EMC8: variants seen among roughly 807,000 people sequenced by gnomAD.
EMC8 encodes ER membrane protein complex subunit 8.
Under a neutral mutation model 24.3 loss-of-function variants are expected in EMC8, and 11 were observed. The observed-to-expected ratio is 0.45, with a 90% CI of 0.28 to 0.75. The LOEUF is 0.75. Ranked by LOEUF, EMC8 falls within the 30% of genes least tolerant of loss-of-function variation. The pLI, the probability that EMC8 is intolerant of heterozygous loss-of-function variation, is 0.12. For synonymous variants in EMC8, 145 were observed against 117.7 expected (o/e 1.23, Z -1.50); for missense variants, 277 against 282.7 (o/e 0.98, Z 0.14).
At chr16:85,782,470 G>A (rs1904553891) in intron 2 of EMC8, among the ~76,000 whole-genome samples, 2 of 152,104 alleles carry the variant, frequency 1.3e-5, no homozygotes, top group African/African-American at 2.4e-5. Context: ...CTCCTCGGGG[G>A]CCTTATTTAT....
intron 3 of EMC8, chr16:85,780,976 G>C: frequency 1.8e-6 from 1 of 557,388 alleles, no homozygotes; most frequent in Admixed American, 3.2e-5. Flanking sequence ...CAAGTTCCCA[G>C]GTGCTGCGGC....
intron 1 of EMC8, among the ~76,000 whole-genome samples, chr16:85,794,932 G>A (rs1905187285): frequency 6.6e-6 from 1 of 152,188 alleles, no homozygotes; most frequent in South Asian, 2.1e-4. Context: ...GTAGCAGGCA[G>A]TCACTGTCCC....
At position 85,789,048 on chromosome 16, in the gene EMC8, A is replaced by G; in HGVS notation, c.234T>C (p.Ile78=). ...AGCTATGATCTTTGCACCATGAATC[A>G]ATCTGAAAGAGGAACAAAAATTGGG... is the stretch of plus-strand genomic sequence containing the variant. ...APMLEVALTL[I]DSWCKDHSYV... is the part of the protein sequence containing the mutation. Residue 78 remains isoleucine (I), a splice_region_variant and synonymous_variant, in exon 2 of 5, where the codon ATT becomes ATC. Transcript: ENST00000253457. The G allele has an allele frequency of 6.2e-7, 1 of 1,612,068 alleles. No homozygotes were observed.
intron 2 of EMC8, among the ~76,000 whole-genome samples, chr16:85,786,906 C>T (rs1904780893): frequency 6.6e-6 from 1 of 152,154 alleles, no homozygotes; most frequent in African/African-American, 2.4e-5. Flanking sequence ...TGTGGGGCGA[C>T]CACATCAGGC....
At position 85,799,160 on chromosome 16, in the gene EMC8, C is replaced by T. The variant is rs772109393; in HGVS notation, c.136G>A (p.Gly46Ser). The T allele has an allele frequency of 1.4e-5, 22 of 1,608,856 alleles. No individual in the cohort carries two copies. In the South Asian group the frequency reaches 2.4e-4, roughly 18 times the overall value. Residue 46 changes from glycine to serine, a missense_variant, in exon 1 of 5, where the codon GGC (glycine) becomes AGC (serine). Physicochemically the swap from Gly to Ser is moderately conservative, Grantham distance 56. Coordinates refer to ENST00000253457, the MANE Select transcript of EMC8 (RefSeq NM_006067.5). The surrounding 1 kb of genome is among the most constrained non-coding windows in gnomAD (Gnocchi z 4.2). ...AAGAGGGTGTGGTGGGCGCCGGGGCCGCCCAGGGGGAGGTGCTCCTTACGC... is the reference window on the plus strand; with the variant it reads ...AAGAGGGTGTGGTGGGCGCCGGGGCTGCCCAGGGGGAGGTGCTCCTTACGC... ...KPRKEHLPLG[G>S]PGAHHTLFVD... is the part of the protein sequence containing the mutation.
intron 1 of EMC8, among the ~76,000 whole-genome samples, chr16:85,798,368 T>C (rs2152078416): frequency 6.6e-6 from 1 of 152,192 alleles, no homozygotes; most frequent in East Asian, 1.9e-4. Context: ...GTGATCCGCC[T>C]GCCTCGGCCT....
At position 85,779,668 on chromosome 16, in the gene EMC8, G is replaced by T; in HGVS notation, c.*40C>A. ...TTAAAAATAGGTTTTCTTCTTCAAC[G>T]TAGTGGAAAGGCCCGGAGCCCAGTC... On this transcript the variant is annotated 3_prime_UTR_variant, in exon 5 of 5. Coordinates refer to ENST00000253457, the MANE Select transcript of EMC8 (RefSeq NM_006067.5). 1.3e-6 allele frequency: 2 copies of T among 1,593,208 alleles called. No homozygotes were observed. The highest frequency in any genetic ancestry group is 1.7e-6 in the Non-Finnish European group (2 of 1,161,572).
rs770853096 is a variant in EMC8, at chr16:85,779,807, C to A, written c.534G>T (p.Arg178=). The stretch of plus-strand genomic sequence containing the variant: ...CGAAATCCACGAGCGTCTCGTAGGA[C>A]CGGCTGTCCAGGAGCGAGGCTGAGA... The part of the protein sequence containing the change: ...QRISASLLDS[R]SYETLVDFDN... Residue 178 remains arginine, a synonymous_variant, in exon 5 of 5, where the codon CGG becomes CGT. Transcript: ENST00000253457. 13 of 1,614,124 alleles carry A rather than the reference C, an allele frequency of 8.1e-6. No homozygotes were observed. In the East Asian group the frequency reaches 1.8e-4, roughly 22 times the overall value.
At chr16:85,780,564 C>A in intron 3 of EMC8, 91 bp from the exon 4 acceptor site, 1 of 854,790 alleles carries the variant, frequency 1.2e-6, no homozygotes, top group South Asian at 1.4e-5. Context: ...TGCAGCCGTG[C>A]CCACGCTGGC....
intron 2 of EMC8, among the ~76,000 whole-genome samples, chr16:85,787,440 C>G (rs1387971008): frequency 6.6e-6 from 1 of 152,220 alleles, no homozygotes; most frequent in Non-Finnish European, 1.5e-5. Context: ...TTCAACTCAG[C>G]CACGTGAGGG....
chr16:85,784,132 G>C (rs1319296695), intron 2 of EMC8, among the ~76,000 whole-genome samples: 1 of 152,170 alleles, frequency 6.6e-6, no homozygotes, highest in Non-Finnish European at 1.5e-5. Context: ...CCAAGTAGCT[G>C]GGACTACAGG....
chr16:85,799,327 G>A lies in EMC8; in HGVS notation c.-32C>T, dbSNP rs753062638. On this transcript the variant is annotated 5_prime_UTR_variant, in exon 1 of 5. Coordinates refer to ENST00000253457, the MANE Select transcript of EMC8 (RefSeq NM_006067.5). This position sits in a 1 kb window ranked among gnomAD's most constrained non-coding sequence, Gnocchi z 4.2. ...CCGGGAGGGCCCCGGAGGCCCCTGG[G>A]CGCGCGGCTGAGGCCTGGACCCGCT... The A allele has an allele frequency of 2.1e-5, 32 of 1,500,668 alleles. No homozygotes were observed. The highest frequency in any genetic ancestry group is 1.9e-4 in the South Asian group (16 of 85,778). The allele number at this position is 1,500,668 out of a possible 1,614,324, so 93.0% of individuals were successfully genotyped here.
chr16:85,797,673 G>A (rs571494171), intron 1 of EMC8, among the ~76,000 whole-genome samples: 2 of 152,294 alleles, frequency 1.3e-5, no homozygotes, highest in African/African-American at 2.4e-5. Flanking sequence ...TGACTTGGGT[G>A]TCATAATTAG....
chr16:85,790,419 T>C (rs886931465), intron 1 of EMC8, among the ~76,000 whole-genome samples: 2 of 152,196 alleles, frequency 1.3e-5, no homozygotes, highest in Admixed American at 1.3e-4. Context: ...ACCCAAAAGA[T>C]CAGGATTATG....
rs1034622634 is a variant in EMC8, at chr16:85,788,841, T to C, written c.308+133A>G. ...TATCCACACCACAGTTCGCCTCAAATACTACAAATAAGCACAGAGGGAAGG... is the reference window on the plus strand; with the variant it reads ...TATCCACACCACAGTTCGCCTCAAACACTACAAATAAGCACAGAGGGAAGG... On this transcript the variant is annotated intron_variant, in intron 2 of 4. Coordinates refer to ENST00000253457, the MANE Select transcript of EMC8 (RefSeq NM_006067.5). 9.1e-5 allele frequency: 64 copies of C among 699,538 alleles called. No individual in the cohort carries two copies. In the Admixed American group the frequency reaches 1.5e-3, roughly 16 times the overall value. The allele number at this position is 699,538 out of a possible 1,614,324, so 43.3% of individuals were successfully genotyped here. A position where few individuals can be genotyped will look rare whatever the true frequency, so the allele number is the denominator to read the frequency against.
chr16:85,786,636 C>G (rs1237988112), intron 2 of EMC8, among the ~76,000 whole-genome samples: 1 of 152,172 alleles, frequency 6.6e-6, no homozygotes, highest in Admixed American at 6.5e-5. Context: ...ACACATCTGA[C>G]AAATGGCTGC....
intron 1 of EMC8, among the ~76,000 whole-genome samples, chr16:85,795,433 T>TA (rs1259345694): frequency 6.6e-6 from 1 of 152,184 alleles, no homozygotes; most frequent in Non-Finnish European, 1.5e-5. Context: ...CGGCCCTGGT[T>TA]AGTCTTTTGA....
intron 3 of EMC8, 126 bp from the exon 4 acceptor site, chr16:85,780,599 G>C (rs1904445010): frequency 2.9e-6 from 2 of 679,202 alleles, no homozygotes; most frequent in Non-Finnish European, 5.3e-6. Context: ...TTCCGACAGA[G>C]CCTGTATGCA....
chr16:85,788,954 A>G lies in EMC8; in HGVS notation c.308+20T>C. 1.9e-6 allele frequency: 3 copies of G among 1,584,440 alleles called. No individual in the cohort carries two copies. The highest frequency in any genetic ancestry group is 2.6e-6 in the Non-Finnish European group (3 of 1,152,988). On this transcript the variant is annotated intron_variant, in intron 2 of 4. Coordinates refer to ENST00000253457, the MANE Select transcript of EMC8 (RefSeq NM_006067.5). Reference sequence around the variant, plus strand: ...CACGTGCTCACTTCCTCGCCCACAGAGGGTTCTGCATCCACGTACCTGGCA... The same window carrying G: ...CACGTGCTCACTTCCTCGCCCACAGGGGGTTCTGCATCCACGTACCTGGCA...
Sources: gnomAD v4.1 joint callset for allele counts (sites outside exome capture counted in the v4.1 genomes callset) on GRCh38, gnomAD v4.1.1 for gene constraint, Gnocchi (gnomAD v3.1) non-coding constraint, MANE v1.5 for transcripts, NCBI Gene and HGNC (gene_info 2026-07-23, HGNC 2026-07-21) for gene names.